The following SNTB1 variants were observed in gnomAD, a reference collection of about 807,000 sequenced individuals.
SNTB1 encodes the protein beta-1-syntrophin.
In SNTB1, 36 loss-of-function variants were observed where a neutral mutation model predicts 48.9. The observed-to-expected ratio is 0.74, with a 90% CI of 0.56 to 0.97. SNTB1 has a LOEUF of 0.97. SNTB1 is among the 50% of genes least tolerant of loss of function. The pLI is 0.00. For synonymous variants in SNTB1, 299 were observed against 294.6 expected (o/e 1.01, Z -0.15); for missense variants, 786 against 703.4 (o/e 1.12, Z -1.33).
intron 3 of SNTB1, among the ~76,000 whole-genome samples, chr8:120,601,183 A>G (rs544565322): frequency 1.3e-4 from 20 of 152,108 alleles, no homozygotes; most frequent in Non-Finnish European, 1.8e-4. Context: ...AACCCCAGCA[A>G]AGAGATTTGC....
At chr8:120,784,128 G>C (rs556341487) in intron 1 of SNTB1, among the ~76,000 whole-genome samples, 1 of 152,108 alleles carries the variant, frequency 6.6e-6, no homozygotes, top group South Asian at 2.1e-4. Context: ...CAAGTAGCTG[G>C]GATTACAGGC....
intron 2 of SNTB1, among the ~76,000 whole-genome samples, chr8:120,640,187 A>G (rs552969594): frequency 5.1e-4 from 77 of 151,804 alleles, no homozygotes; most frequent in African/African-American, 1.3e-3. Flanking sequence ...TTTGTCTGTT[A>G]TTGGTGTATA....
At chr8:120,768,526 T>C (rs4407923) in intron 1 of SNTB1, 146,104 of 152,322 alleles carry the variant, frequency 0.96, 70,228 homozygotes, top group African/African-American at 0.99. Context: ...AACACATGAA[T>C]GAGTACACAT....
intron 1 of SNTB1, among the ~76,000 whole-genome samples, chr8:120,765,524 A>G: frequency 6.6e-6 from 1 of 152,172 alleles, no homozygotes; most frequent in Non-Finnish European, 1.5e-5. Context: ...GAGAAGTCCA[A>G]TATCAAGGTG....
chr8:120,564,311 T>C (rs1190953442), intron 4 of SNTB1, among the ~76,000 whole-genome samples: 1 of 152,050 alleles, frequency 6.6e-6, no homozygotes, highest in Non-Finnish European at 1.5e-5. Context: ...AATAGAGAGC[T>C]TGCATTCTCC....
Position 120,751,148 on chromosome 8 carries a change from C to A in SNTB1, c.572-57240G>T, listed in dbSNP as rs576085423. The stretch of plus-strand genomic sequence containing the variant: ...GGAGGAGAGATGATGAAGTGAGATT[C>A]AGTGCTTAAGTAAAAAGTGGAGTGA... On this transcript the variant is annotated intron_variant, in intron 1 of 6. Coordinates refer to ENST00000517992, the MANE Select transcript of SNTB1 (RefSeq NM_021021.4). Among the ~76,000 whole-genome samples, 3 of 152,150 alleles carry A rather than the reference C, an allele frequency of 2.0e-5. No homozygotes were observed. In the South Asian group the frequency reaches 6.2e-4, roughly 32 times the overall value.
rs1411404569 is a variant in SNTB1 at position 120,536,204 on chromosome 8, A to G, written c.*2673T>C. ...TGGCTTAAAAGGATGTCACTGCACC[A>G]GAGGACTCACTTAACCACATCTACT... On this transcript the variant is annotated 3_prime_UTR_variant, in exon 7 of 7. Transcript: ENST00000517992. The G allele has an allele frequency of 6.6e-6, 1 of 152,226 alleles. No homozygotes were observed. Among genetic ancestry groups the G allele is most frequent in the African/African-American group, 2.4e-5 (1 of 41,472 alleles). 9.4% of individuals were successfully genotyped at this position (152,226 alleles called of 1,614,324 possible).
intron 3 of SNTB1, among the ~76,000 whole-genome samples, chr8:120,601,585 A>G (rs527547494): frequency 6.6e-6 from 1 of 152,272 alleles, no homozygotes; most frequent in South Asian, 2.1e-4. Flanking sequence ...AGACAACTTC[A>G]TCTACCTCTT....
intron 1 of SNTB1, among the ~76,000 whole-genome samples, chr8:120,739,235 T>A (rs1259979079): frequency 6.6e-6 from 1 of 152,174 alleles, no homozygotes; most frequent in Non-Finnish European, 1.5e-5. Flanking sequence ...CCTAGACCCC[T>A]CCTATCAATC....
chr8:120,650,296 A>G (rs1424367420), intron 2 of SNTB1, among the ~76,000 whole-genome samples: 1 of 152,192 alleles, frequency 6.6e-6, no homozygotes, highest in Admixed American at 6.5e-5. Flanking sequence ...GTTGAGAATG[A>G]GCCTCTCACT....
At chr8:120,667,496 T>C (rs1180551046) in intron 2 of SNTB1, among the ~76,000 whole-genome samples, 1 of 152,226 alleles carries the variant, frequency 6.6e-6, no homozygotes, top group Non-Finnish European at 1.5e-5. Context: ...AATATGCAAG[T>C]TAAAATGTGC....
At chr8:120,549,259 A>G (rs192471974) in intron 4 of SNTB1, among the ~76,000 whole-genome samples, 1 of 152,210 alleles carries the variant, frequency 6.6e-6, no homozygotes, top group Non-Finnish European at 1.5e-5. Flanking sequence ...ACTGTGTAAA[A>G]TTCTCTCTGA....
intron 1 of SNTB1, among the ~76,000 whole-genome samples, chr8:120,801,557 A>G (rs1820226437): frequency 6.6e-6 from 1 of 152,094 alleles, no homozygotes; most frequent in South Asian, 2.1e-4. Context: ...TATCAATAAG[A>G]TCTCACCTAA....
chr8:120,564,691 C>T (rs1815722388), intron 4 of SNTB1, among the ~76,000 whole-genome samples: 1 of 151,192 alleles, frequency 6.6e-6, no homozygotes, highest in South Asian at 2.1e-4. Context: ...GCCTCAGCCT[C>T]CCAAGTAGCT....
intron 6 of SNTB1, among the ~76,000 whole-genome samples, chr8:120,540,942 C>A (rs1406761818): frequency 6.6e-6 from 1 of 152,062 alleles, no homozygotes; most frequent in Admixed American, 6.6e-5. Flanking sequence ...TCCTGAAAGC[C>A]AACAAATCCA....
chr8:120,712,556 T>C (rs1785093980), intron 1 of SNTB1, among the ~76,000 whole-genome samples: 1 of 152,182 alleles, frequency 6.6e-6, no homozygotes, highest in Admixed American at 6.5e-5. Context: ...TAATTTTATA[T>C]GCATTTTTTA....
intron 6 of SNTB1, among the ~76,000 whole-genome samples, chr8:120,540,601 T>C (rs1369858989): frequency 1.3e-5 from 2 of 152,218 alleles, no homozygotes. Flanking sequence ...CTTAGTAAAA[T>C]GGACTTTCGA....
chr8:120,705,940 T>A (rs1444562172), intron 1 of SNTB1, among the ~76,000 whole-genome samples: 1 of 152,184 alleles, frequency 6.6e-6, no homozygotes, highest in Non-Finnish European at 1.5e-5. Flanking sequence ...AGTCAGAGCA[T>A]CTGGGTTGGA....
At chr8:120,611,353 T>TG (rs771238479) in intron 3 of SNTB1, among the ~76,000 whole-genome samples, 42 of 43,522 alleles carry the variant, frequency 9.7e-4, no homozygotes, top group South Asian at 4.2e-3. Context: ...TTAGAAGCTC[T>TG]GGAAAAAAAA....
Sources: gnomAD v4.1 joint callset for allele counts (sites outside exome capture counted in the v4.1 genomes callset) on GRCh38, gnomAD v4.1.1 for gene constraint, MANE v1.5 for transcripts, NCBI Gene and HGNC (gene_info 2026-07-23, HGNC 2026-07-21) for gene names.